The following MOB3B variants were observed in gnomAD, a reference collection of about 807,000 sequenced individuals.
The protein encoded by MOB3B is MOB kinase activator 3B.
In MOB3B, 7 loss-of-function variants were observed where a neutral mutation model predicts 18.7. The observed-to-expected ratio is 0.37, with a 90% CI of 0.21 to 0.70. MOB3B has a LOEUF of 0.70. Ranked by LOEUF, MOB3B falls within the 30% of genes least tolerant of loss-of-function variation. The pLI, the probability that MOB3B is intolerant of heterozygous loss-of-function variation, is 0.52. For missense variants in MOB3B, 253 were observed against 281.3 expected (o/e 0.90, Z 0.72); for synonymous variants, 111 against 99.9 (o/e 1.11, Z -0.66).
chr9:27,423,905 G>A (rs575318937), intron 2 of MOB3B, among the ~76,000 whole-genome samples: 33 of 152,198 alleles, frequency 2.2e-4, no homozygotes, highest in Non-Finnish European at 3.5e-4. Flanking sequence ...ACTATACGAA[G>A]GAGGTGCTAA....
chr9:27,374,180 CT>C (rs1821460206), intron 2 of MOB3B, among the ~76,000 whole-genome samples: 1 of 151,216 alleles, frequency 6.6e-6, no homozygotes, highest in Non-Finnish European at 1.5e-5. Flanking sequence ...ATGAATAATT[CT>C]TTGCTTGAAT....
At chr9:27,354,075 G>A (rs930427494) in intron 3 of MOB3B, among the ~76,000 whole-genome samples, 1 of 152,246 alleles carries the variant, frequency 6.6e-6, no homozygotes, top group African/African-American at 2.4e-5. Flanking sequence ...CAAGTGAAAT[G>A]GCATGTGTTT....
chr9:27,387,877 G>T (rs1821669466), intron 2 of MOB3B, among the ~76,000 whole-genome samples: 1 of 152,080 alleles, frequency 6.6e-6, no homozygotes, highest in Non-Finnish European at 1.5e-5. Flanking sequence ...GCAGCAAGGG[G>T]TACCACAAGG....
chr9:27,466,725 C>A (rs939689139), intron 1 of MOB3B, among the ~76,000 whole-genome samples: 2 of 152,120 alleles, frequency 1.3e-5, no homozygotes, highest in African/African-American at 4.8e-5. Context: ...AAGCAGAAAC[C>A]CCTGATAAAC....
At chr9:27,527,567 G>C (rs990484042) in intron 1 of MOB3B, among the ~76,000 whole-genome samples, 1 of 152,216 alleles carries the variant, frequency 6.6e-6, no homozygotes, top group African/African-American at 2.4e-5. Context: ...GGTATCCACT[G>C]ACAATGTCTG....
At chr9:27,339,900 C>G (rs1353365514) in intron 3 of MOB3B, among the ~76,000 whole-genome samples, 1 of 152,224 alleles carries the variant, frequency 6.6e-6, no homozygotes, top group African/African-American at 2.4e-5. Flanking sequence ...TCTTCCTTTG[C>G]TAGCATCCCA....
intron 1 of MOB3B, among the ~76,000 whole-genome samples, chr9:27,473,485 G>A (rs563738313): frequency 6.6e-6 from 1 of 152,206 alleles, no homozygotes; most frequent in Admixed American, 6.5e-5. Flanking sequence ...TGGACAAGCA[G>A]AGAGGGACCT....
intron 1 of MOB3B, among the ~76,000 whole-genome samples, chr9:27,485,453 T>G (rs1387145451): frequency 6.6e-6 from 1 of 152,202 alleles, no homozygotes; most frequent in Non-Finnish European, 1.5e-5. Context: ...TGTTAAGAGC[T>G]ACATCTGTCT....
At chr9:27,488,846 A>T (rs1460911514) in intron 1 of MOB3B, among the ~76,000 whole-genome samples, 1 of 152,204 alleles carries the variant, frequency 6.6e-6, no homozygotes, top group Non-Finnish European at 1.5e-5. Flanking sequence ...CATAACGTAC[A>T]CATTTCAAGG....
chr9:27,414,014 T>C (rs1255652667), intron 2 of MOB3B, among the ~76,000 whole-genome samples: 1 of 152,238 alleles, frequency 6.6e-6, no homozygotes, highest in Non-Finnish European at 1.5e-5. Context: ...TGGCTGGACT[T>C]AAGCTTTCAT....
intron 2 of MOB3B, among the ~76,000 whole-genome samples, chr9:27,380,233 G>A (rs1821555930): frequency 6.6e-6 from 1 of 151,788 alleles, no homozygotes; most frequent in South Asian, 2.1e-4. Context: ...AAGTTCTGGG[G>A]AGGGGCCAAG....
intron 1 of MOB3B, chr9:27,524,726 G>T (rs777627311): frequency 6.2e-7 from 1 of 1,614,020 alleles, no homozygotes; most frequent in South Asian, 1.1e-5. Flanking sequence ...AATGCTTGGA[G>T]GAAGACAAGA....
intron 2 of MOB3B, among the ~76,000 whole-genome samples, chr9:27,440,402 G>T (rs1476293801): frequency 6.7e-6 from 1 of 148,354 alleles, no homozygotes; most frequent in Middle Eastern, 3.5e-3. Context: ...TTCCATAATA[G>T]CTACCTTACT....
In MOB3B at chr9:27,396,287, C is replaced by T. The variant is rs943658919; in HGVS notation, c.419-37051G>A. On this transcript the variant is annotated intron_variant, in intron 2 of 3. Transcript: ENST00000262244. ...TATTTCTTGTATTATTTTTTATATT[C>T]AGCAGTCCTTTTCCCCCTTCTCTAT... Among the ~76,000 whole-genome samples the T allele has an allele frequency of 2.0e-5, 3 of 152,012 alleles. No homozygotes were observed. The East Asian group carries it at 5.8e-4, about 29-fold the overall frequency.
intron 1 of MOB3B, among the ~76,000 whole-genome samples, chr9:27,462,766 C>CTGAAGAATT (rs1819313892): frequency 6.6e-6 from 1 of 152,204 alleles, no homozygotes; most frequent in African/African-American, 2.4e-5. Context: ...GAACTTGAGT[C>CTGAAGAATT]TCAAAGTCTG....
chr9:27,492,516 C>G (rs912509993), intron 1 of MOB3B, among the ~76,000 whole-genome samples: 1 of 152,144 alleles, frequency 6.6e-6, no homozygotes, highest in Non-Finnish European at 1.5e-5. Context: ...TGAGGTCTAC[C>G]TAAAGGTTTT....
intron 1 of MOB3B, among the ~76,000 whole-genome samples, chr9:27,488,102 G>A (rs1262923677): frequency 6.6e-6 from 1 of 152,100 alleles, no homozygotes; most frequent in Non-Finnish European, 1.5e-5. Context: ...CCTCAAACCT[G>A]CCCTACTACA....
At chr9:27,406,377 G>T (rs1821978064) in intron 2 of MOB3B, among the ~76,000 whole-genome samples, 1 of 151,812 alleles carries the variant, frequency 6.6e-6, no homozygotes. Context: ...CATAGAAAAA[G>T]AAAAAAATAA....
intron 2 of MOB3B, among the ~76,000 whole-genome samples, chr9:27,400,542 A>G (rs1821863009): frequency 6.6e-6 from 1 of 152,252 alleles, no homozygotes; most frequent in African/African-American, 2.4e-5. Flanking sequence ...TCCTCAGGTG[A>G]AATTGAAATG....
Sources: allele counts gnomAD v4.1 joint callset (sites outside exome capture counted in the v4.1 genomes callset), GRCh38; gene constraint gnomAD v4.1.1; transcripts MANE v1.5; gene names NCBI Gene and HGNC (gene_info 2026-07-23, HGNC 2026-07-21).